The following PARN variants were observed in gnomAD, a reference collection of about 807,000 sequenced individuals.
PARN encodes poly(A)-specific ribonuclease, also known as poly(A)-specific ribonuclease PARN.
PARN carries 71 observed loss-of-function variants against 102.8 expected under a neutral mutation model. The observed-to-expected ratio is 0.69, with a 90% CI of 0.57 to 0.84. The LOEUF (loss-of-function observed/expected upper bound fraction) is 0.84, where lower values mean the gene tolerates loss of function less well. Among genes scored for constraint, PARN ranks in the 40% least tolerant of loss-of-function variants. PARN has a pLI of 0.00. For missense variants in PARN, 782 were observed against 760.9 expected, an observed-to-expected ratio of 1.03 and a Z score of -0.33; for synonymous variants, 261 against 252.9, an observed-to-expected ratio of 1.03 and a Z score of -0.30.
chr16:14,501,460 A>AAAAAAAAAAAAAAAAAC (rs71150191), intron 21 of PARN: 1 of 137,550 alleles, frequency 7.3e-6, no homozygotes, highest in African/African-American at 2.7e-5. Context: ...AAAAAAAAAA[A>AAAAAAAAAAAAAAAAAC]CAGAAAGAAA....
At chr16:14,620,204 C>A (rs1365716838) in intron 5 of PARN, among the ~76,000 whole-genome samples, 1 of 151,718 alleles carries the variant, frequency 6.6e-6, no homozygotes, top group Non-Finnish European at 1.5e-5. Flanking sequence ...GGTGAAACCC[C>A]GTCTCTACTA....
chr16:14,473,261 G>A (rs377523556), intron 22 of PARN, among the ~76,000 whole-genome samples: 1 of 152,158 alleles, frequency 6.6e-6, no homozygotes, highest in Non-Finnish European at 1.5e-5. Context: ...TGTACTACAC[G>A]AATTTTTAAA....
chr16:14,469,907 G>C (rs928711846), intron 22 of PARN, among the ~76,000 whole-genome samples: 1 of 152,114 alleles, frequency 6.6e-6, no homozygotes, highest in African/African-American at 2.4e-5. Flanking sequence ...GGAAAAAATA[G>C]TATTTCACTT....
At chr16:14,447,554 T>A (rs1961257547) in intron 22 of PARN, among the ~76,000 whole-genome samples, 1 of 152,236 alleles carries the variant, frequency 6.6e-6, no homozygotes, top group Non-Finnish European at 1.5e-5. Flanking sequence ...AACTTGGACA[T>A]AGCTACAGAG....
rs1960708290 is a variant in PARN at position 14,436,606 on chromosome 16, A to G, written c.*111T>C. The G allele has an allele frequency of 2.6e-6, 2 of 767,244 alleles. No individual in the cohort carries two copies. Among genetic ancestry groups the G allele is most frequent in the Admixed American group, 2.6e-5 (1 of 38,388 alleles). The allele number at this position is 767,244 out of a possible 1,614,324, so 47.5% of individuals were successfully genotyped here. On this transcript the variant is annotated 3_prime_UTR_variant, in exon 24 of 24. Coordinates refer to ENST00000437198, the MANE Select transcript of PARN (RefSeq NM_002582.4). ...CCCCCAGGAGACAACTTGGTTTCCA[A>G]CCCCTCCCATACCACATTTGATTAA...
Position 14,550,791 on chromosome 16 carries a change from T to C in PARN, c.1480+1230A>G, listed in dbSNP as rs1342720875. On this transcript the variant is annotated intron_variant, in intron 21 of 23. Transcript: ENST00000437198. ...CATCTTTTACATTATCAAAGCAACATGGTGCTTGAAATTTACTTGAATATA... is the reference window on the plus strand; with the variant it reads ...CATCTTTTACATTATCAAAGCAACACGGTGCTTGAAATTTACTTGAATATA... Among the ~76,000 whole-genome samples the C allele has an allele frequency of 2.6e-5, 4 of 152,206 alleles. No homozygotes were observed. In the East Asian group the frequency reaches 5.8e-4, roughly 22 times the overall value.
intron 5 of PARN, among the ~76,000 whole-genome samples, chr16:14,619,838 G>A (rs1972180094): frequency 6.6e-6 from 1 of 151,014 alleles, no homozygotes; most frequent in South Asian, 2.1e-4. Flanking sequence ...TTCGGAGGCT[G>A]AGGCAGGCGG....
At chr16:14,500,836 C>A (rs1452249414) in intron 21 of PARN, among the ~76,000 whole-genome samples, 1 of 152,126 alleles carries the variant, frequency 6.6e-6, no homozygotes, top group African/African-American at 2.4e-5. Flanking sequence ...AGATAGTACC[C>A]TGTGCCCTAT....
chr16:14,556,114 C>T (rs1244231222), intron 18 of PARN, among the ~76,000 whole-genome samples: 2 of 151,342 alleles, frequency 1.3e-5, no homozygotes, highest in African/African-American at 4.9e-5. Context: ...GCATTACAGG[C>T]GTGAGCCACC....
chr16:14,457,897 GGAATAGGGGTGTGT>G (rs1481692398), intron 22 of PARN, among the ~76,000 whole-genome samples: 1 of 150,596 alleles, frequency 6.6e-6, no homozygotes, highest in East Asian at 1.9e-4. Context: ...CATCTCTTGT[GGAATAGGGGTGTGT>G]GTGTGGGGGT....
intron 21 of PARN, among the ~76,000 whole-genome samples, chr16:14,525,418 G>A (rs367903695): frequency 9.9e-5 from 15 of 152,140 alleles, no homozygotes; most frequent in East Asian, 7.7e-4. Context: ...TGGCAAGGCA[G>A]GGAACCCAAT....
chr16:14,620,069 CA>C (rs1167781322), intron 5 of PARN, among the ~76,000 whole-genome samples: 2,336 of 47,546 alleles, frequency 0.049, 14 homozygotes, highest in Non-Finnish European at 0.068. Flanking sequence ...GACTCTGTCT[CA>C]AAAAAAAAAA....
chr16:14,477,348 G>T (rs1173963743), intron 22 of PARN, among the ~76,000 whole-genome samples: 1 of 151,804 alleles, frequency 6.6e-6, no homozygotes, highest in Non-Finnish European at 1.5e-5. Context: ...GCCTGAGGCA[G>T]GAGAATCTCC....
At chr16:14,501,712 G>A (rs1404841666) in intron 21 of PARN, 1 of 152,138 alleles carries the variant, frequency 6.6e-6, no homozygotes, top group Non-Finnish European at 1.5e-5. Flanking sequence ...GGAATGCTGA[G>A]TCATCTGTTC....
intron 18 of PARN, among the ~76,000 whole-genome samples, chr16:14,572,632 T>TA (rs1968878919): frequency 1.3e-5 from 2 of 152,134 alleles, no homozygotes; most frequent in Admixed American, 1.3e-4. Context: ...AACAAAACTT[T>TA]AAAAAATGCT....
chr16:14,542,305 C>CT (rs776010918), intron 21 of PARN, among the ~76,000 whole-genome samples: 8,760 of 144,954 alleles, frequency 0.06, 330 homozygotes, highest in Non-Finnish European at 0.094. Context: ...CACACCTGGG[C>CT]TTTTTTTTTT....
intron 21 of PARN, among the ~76,000 whole-genome samples, chr16:14,551,088 C>G (rs910931756): frequency 6.6e-6 from 1 of 151,210 alleles, no homozygotes; most frequent in South Asian, 2.1e-4. Context: ...TCAGCCATCA[C>G]GCCCAGCTAA....
At chr16:14,575,740 T>A (rs1969092507) in intron 18 of PARN, among the ~76,000 whole-genome samples, 1 of 152,160 alleles carries the variant, frequency 6.6e-6, no homozygotes, top group Admixed American at 6.5e-5. Context: ...ATGACTGGTT[T>A]TGAATTCTGA....
chr16:14,530,284 T>C lies in PARN; in HGVS notation c.1480+21737A>G, dbSNP rs1045686169. On this transcript the variant is annotated intron_variant, in intron 21 of 23. Coordinates refer to ENST00000437198, the MANE Select transcript of PARN (RefSeq NM_002582.4). ...AGGAATCCCAAGCCCCAGGCTACTC[T>C]AGAGAGAGGCAGCACCTGAGGAGGG... Among the ~76,000 whole-genome samples the C allele has an allele frequency of 3.9e-5, 6 of 152,264 alleles. No individual in the cohort carries two copies. In the East Asian group the frequency reaches 7.7e-4, roughly 20 times the overall value.
Sources: allele counts gnomAD v4.1 joint callset (sites outside exome capture counted in the v4.1 genomes callset), GRCh38; gene constraint gnomAD v4.1.1; transcripts MANE v1.5; gene names NCBI Gene and HGNC (gene_info 2026-07-23, HGNC 2026-07-21).